CELF2: variants seen among roughly 807,000 people sequenced by gnomAD.
CELF2 encodes CUG triplet repeat RNA-binding protein 2.
A neutral mutation model predicts 62.6 loss-of-function variants in CELF2; 8 were observed. That is an observed-to-expected ratio of 0.13 (90% confidence interval 0.07 to 0.23). The LOEUF (loss-of-function observed/expected upper bound fraction) is 0.23. Ranked by LOEUF, CELF2 falls within the 10% of genes least tolerant of loss-of-function variation. The pLI is 1.00. For missense variants in CELF2, 333 were observed against 671.0 expected (o/e 0.50, Z 5.56); for synonymous variants, 258 against 250.0 (o/e 1.03, Z -0.30).
intron 2 of CELF2, chr10:10,952,203 T>C (rs539344425): frequency 1.3e-5 from 2 of 152,342 alleles, no homozygotes; most frequent in East Asian, 3.9e-4. Context: ...CCACGTTGGT[T>C]GTACGATCTA....
chr10:10,553,891 G>A, the CELF2 span, among the ~76,000 whole-genome samples: 25 of 152,150 alleles, frequency 1.6e-4, no homozygotes, highest in Non-Finnish European at 3.4e-4. Context: ...GCCCTAGGAG[G>A]AGCTGTGGTC....
At chr10:10,661,279 T>C in the CELF2 span, among the ~76,000 whole-genome samples, 1 of 152,248 alleles carries the variant, frequency 6.6e-6, no homozygotes, top group Non-Finnish European at 1.5e-5. Flanking sequence ...GTCTCCTTTT[T>C]GCATCTGGTC....
the CELF2 span, among the ~76,000 whole-genome samples, chr10:10,591,917 C>A: frequency 2.6e-5 from 4 of 152,050 alleles, no homozygotes; most frequent in African/African-American, 9.7e-5. Flanking sequence ...ACACACACAC[C>A]CCCACATACA....
chr10:11,042,184 C>T (rs763557002), intron 1 of CELF2, among the ~76,000 whole-genome samples: 1 of 152,228 alleles, frequency 6.6e-6, no homozygotes, highest in Non-Finnish European at 1.5e-5. Context: ...TTACATTTAT[C>T]TCCTTCCCTT....
chr10:11,132,171 A>G (rs569544412), intron 1 of CELF2, among the ~76,000 whole-genome samples: 76 of 152,360 alleles, frequency 5.0e-4, no homozygotes, highest in African/African-American at 1.6e-3. Context: ...TTTGCTGCCA[A>G]TTAAACATGT....
the CELF2 span, among the ~76,000 whole-genome samples, chr10:10,539,986 G>A: frequency 3.9e-5 from 6 of 152,252 alleles, no homozygotes; most frequent in South Asian, 4.2e-4. Context: ...TATTTCCATC[G>A]AGGTAAAGGG....
the CELF2 span, among the ~76,000 whole-genome samples, chr10:10,464,326 C>T: frequency 1.3e-5 from 2 of 152,054 alleles, no homozygotes; most frequent in East Asian, 3.9e-4. Flanking sequence ...TAAATTGTTG[C>T]CCAGTAACAA....
rs114634342 is a variant in CELF2 at position 11,306,049 on chromosome 10, C to T, written c.977-8090C>T. On this transcript the variant is annotated intron_variant, in intron 9 of 12. Transcript: ENST00000633077. This position sits in a 1 kb window ranked among gnomAD's most constrained non-coding sequence, Gnocchi z 4.4. ...CACGCCAGCTGGCCTGAACGTCCGTCGCCTGATTGATAGGTTTTAACCAGT... is the reference window on the plus strand; with the variant it reads ...CACGCCAGCTGGCCTGAACGTCCGTTGCCTGATTGATAGGTTTTAACCAGT... Among the ~76,000 whole-genome samples, 710 of 152,304 alleles carry T rather than the reference C, an allele frequency of 4.7e-3. 7 individuals are homozygous for T. The highest frequency in any genetic ancestry group is 0.015 in the African/African-American group (642 of 41,568).
chr10:10,887,282 G>T (rs758092842), intron 1 of CELF2, among the ~76,000 whole-genome samples: 7 of 152,106 alleles, frequency 4.6e-5, no homozygotes, highest in Non-Finnish European at 8.8e-5. Flanking sequence ...TTTTTACAAG[G>T]TATCACAGAT....
Position 11,329,606 on chromosome 10 carries a change from T to G in CELF2, c.*553T>G, listed in dbSNP as rs1001793527. The G allele has an allele frequency of 1.3e-5, 2 of 152,640 alleles. No homozygotes were observed. The highest frequency in any genetic ancestry group is 4.8e-5 in the African/African-American group (2 of 41,464). 9.5% of individuals were successfully genotyped at this position (152,640 alleles called of 1,614,324 possible). The stretch of plus-strand genomic sequence containing the variant: ...TTACTCCAACCACACGTCTTTCCAC[T>G]ACATCGGCTTGTTTTACTAAGTAGG... On this transcript the variant is annotated 3_prime_UTR_variant, in exon 13 of 13. Coordinates refer to ENST00000633077, the MANE Select transcript of CELF2 (RefSeq NM_001326342.2). This position sits in a 1 kb window ranked among gnomAD's most constrained non-coding sequence, Gnocchi z 5.5.
chr10:10,963,311 T>A (rs2049755466), intron 2 of CELF2, among the ~76,000 whole-genome samples: 1 of 152,164 alleles, frequency 6.6e-6, no homozygotes. Context: ...CACGTTGGCC[T>A]CCCAAAGTGC....
At chr10:10,764,629 C>T in the CELF2 span, among the ~76,000 whole-genome samples, 1 of 152,202 alleles carries the variant, frequency 6.6e-6, no homozygotes, top group African/African-American at 2.4e-5. Context: ...TTTAAAGGGT[C>T]ACCCTTTGAC....
intron 1 of CELF2, among the ~76,000 whole-genome samples, chr10:10,824,836 G>A (rs1035451015): frequency 5.3e-5 from 8 of 152,256 alleles, no homozygotes; most frequent in African/African-American, 7.2e-5. Flanking sequence ...CTCATGGAAC[G>A]TTAACTCTCC....
rs2065182165 is a variant in CELF2, at chr10:11,159,332, T to A, written c.75-6154T>A. The stretch of plus-strand genomic sequence containing the variant: ...CCACTACAGTTAAGACATAGCTGTG[T>A]CAGAAAGGTGGCAAACTCTGCCCTG... On this transcript the variant is annotated intron_variant, in intron 1 of 12. Coordinates refer to ENST00000633077, the MANE Select transcript of CELF2 (RefSeq NM_001326342.2). This position sits in a 1 kb window ranked among gnomAD's most constrained non-coding sequence, Gnocchi z 5.0. Among the ~76,000 whole-genome samples the A allele has an allele frequency of 6.6e-6, 1 of 152,236 alleles. No homozygotes were observed. The highest frequency in any genetic ancestry group is 1.5e-5 in the Non-Finnish European group (1 of 68,036).
intron 1 of CELF2, among the ~76,000 whole-genome samples, chr10:10,830,658 AAAAC>A (rs763591373): frequency 4.6e-5 from 7 of 152,182 alleles, no homozygotes; most frequent in Non-Finnish European, 7.4e-5. Context: ...AAGTCAGTCA[AAAAC>A]AAGCCCACAA....
chr10:10,759,524 G>T, the CELF2 span, among the ~76,000 whole-genome samples: 2 of 151,874 alleles, frequency 1.3e-5, no homozygotes, highest in African/African-American at 4.8e-5. Context: ...TGGCCAGGCT[G>T]GTCTCGAACT....
chr10:10,684,864 G>A, the CELF2 span, among the ~76,000 whole-genome samples: 11 of 152,236 alleles, frequency 7.2e-5, no homozygotes, highest in Non-Finnish European at 1.2e-4. Flanking sequence ...AGTCAACAAG[G>A]TTTTCAGAAA....
intron 1 of CELF2, among the ~76,000 whole-genome samples, chr10:10,838,308 C>T (rs770807924): frequency 2.0e-5 from 3 of 152,214 alleles, no homozygotes; most frequent in Admixed American, 6.5e-5. Context: ...ATGCTATCAA[C>T]ATGGCTTCTC....
chr10:11,014,099 T>G (rs896417204), upstream of CELF2, among the ~76,000 whole-genome samples: 7 of 152,254 alleles, frequency 4.6e-5, no homozygotes, highest in Non-Finnish European at 7.3e-5. Flanking sequence ...ACGTGTTTTT[T>G]TGTTTCTTTG....
Sources: allele counts gnomAD v4.1 joint callset (sites outside exome capture counted in the v4.1 genomes callset), GRCh38; gene constraint gnomAD v4.1.1; non-coding constraint Gnocchi (gnomAD v3.1); transcripts MANE v1.5; gene names NCBI Gene and HGNC (gene_info 2026-07-23, HGNC 2026-07-21).